DDX43: variants seen among roughly 807,000 people sequenced by gnomAD.
DDX43 encodes DEAD-box helicase 43, also known as probable ATP-dependent RNA helicase DDX43.
DDX43 carries 50 observed loss-of-function variants against 84.9 expected under a neutral mutation model. The ratio of observed to expected loss-of-function variants is 0.59; its 90% CI spans 0.47 to 0.75. DDX43 has a LOEUF of 0.75. Among genes scored for constraint, DDX43 ranks in the 30% least tolerant of loss-of-function variants. The pLI is 0.00. For missense variants in DDX43, 689 were observed against 798.6 expected (o/e 0.86, Z 1.65); for synonymous variants, 291 against 266.3 (o/e 1.09, Z -0.90).
chr6:73,416,764 C>G (rs571428450), intron 16 of DDX43, among the ~76,000 whole-genome samples: 79 of 152,330 alleles, frequency 5.2e-4, no homozygotes, highest in African/African-American at 1.7e-3. Context: ...AGGCCATACA[C>G]AGTGGCTCAC....
At position 73,400,256 on chromosome 6, in the gene DDX43, CAT is replaced by C; in HGVS notation, c.330_331del (p.Leu111SerfsTer22). On this transcript the variant is annotated frameshift_variant, in exon 3 of 17. Transcript: ENST00000370336. LOFTEE classifies it high-confidence loss of function. ...TAGATAATACAAGAACAACCAGAATCATTAGTCAAAATTTTTGGCAGCAAGGC... is the reference window on the plus strand; with the variant it reads ...TAGATAATACAAGAACAACCAGAATCTAGTCAAAATTTTTGGCAGCAAGGC... 1 of 1,605,130 alleles carries C rather than the reference CAT, an allele frequency of 6.2e-7. No homozygotes were observed.
At chr6:73,395,474 C>T (rs542833286) in intron 1 of DDX43, among the ~76,000 whole-genome samples, 4 of 151,922 alleles carry the variant, frequency 2.6e-5, no homozygotes, top group Admixed American at 6.6e-5. Context: ...AATAGCTGGG[C>T]GTGGTGGCGC....
At chr6:73,411,351 CAG>C (rs1325375926) in intron 10 of DDX43, among the ~76,000 whole-genome samples, 3 of 142,250 alleles carry the variant, frequency 2.1e-5, no homozygotes, top group African/African-American at 5.2e-5. Flanking sequence ...TTTTTTGAGA[CAG>C]AGTCTCACTC....
chr6:73,409,492 A>G, intron 10 of DDX43, 144 bp downstream of exon 10: 1 of 685,910 alleles, frequency 1.5e-6, no homozygotes, highest in South Asian at 1.8e-5. Context: ...TGGAAGTAGA[A>G]CAGTGTAACA....
At chr6:73,415,991 C>T (rs922978657) in intron 15 of DDX43, 122 bp from the exon 16 acceptor site, 8 of 635,122 alleles carry the variant, frequency 1.3e-5, no homozygotes, top group Non-Finnish European at 2.3e-5. Flanking sequence ...AATCGAGATA[C>T]CTGTTTCTGT....
At chr6:73,404,217 C>T (rs955268645) in intron 4 of DDX43, among the ~76,000 whole-genome samples, 11 of 151,962 alleles carry the variant, frequency 7.2e-5, no homozygotes, top group South Asian at 2.1e-4. Flanking sequence ...TCTTGAGTAG[C>T]GGGGATTACA....
chr6:73,413,433 ATAGT>A (rs1299972643), intron 11 of DDX43: 1 of 325,278 alleles, frequency 3.1e-6, no homozygotes, highest in Non-Finnish European at 5.6e-6. Flanking sequence ...TTAGAGACAA[ATAGT>A]TGGTTGAAGG....
intron 2 of DDX43, 117 bp from the exon 3 acceptor site, chr6:73,400,117 T>A: frequency 1.3e-6 from 1 of 796,642 alleles, no homozygotes; most frequent in East Asian, 2.8e-5. Flanking sequence ...TGTATTTACT[T>A]TATACTGTAA....
At chr6:73,412,695 G>C (rs1347165206) in intron 11 of DDX43, among the ~76,000 whole-genome samples, 1 of 140,468 alleles carries the variant, frequency 7.1e-6, no homozygotes, top group African/African-American at 2.7e-5. Context: ...GTGTGTGCGC[G>C]TGCGTGCGCA....
At chr6:73,396,676 C>T (rs534150977) in intron 1 of DDX43, among the ~76,000 whole-genome samples, 1 of 152,284 alleles carries the variant, frequency 6.6e-6, no homozygotes, top group East Asian at 1.9e-4. Flanking sequence ...TGTTGTATCC[C>T]AGATCTCTGG....
chr6:73,416,376 A>G, intron 16 of DDX43, 125 bp downstream of exon 16: 1 of 541,966 alleles, frequency 1.8e-6, no homozygotes, highest in South Asian at 2.4e-5. Flanking sequence ...TGTTACTCAT[A>G]TCTATTACTT....
At chr6:73,397,939 G>T in intron 2 of DDX43, 195 bp downstream of exon 2, 1 of 419,090 alleles carries the variant, frequency 2.4e-6, no homozygotes, top group Non-Finnish European at 4.2e-6. Context: ...CTGGAATTAC[G>T]GGTTCCCACC....
Position 73,394,987 on chromosome 6 carries a change from G to A in DDX43, c.82G>A (p.Glu28Lys). The part of the protein sequence containing the change: ...RRSSTVSRAP[E>K]RRPAEELNRT... ...AAGCTCGACAGTGTCCCGAGCGCCA[G>A]AGAGGAGGCCGGCGGAGGAGTTGAA... Residue 28 changes from glutamate (E) to lysine (K), a missense_variant, in exon 1 of 17, where the codon GAG becomes AAG. By Grantham distance (56) the Glu-to-Lys change is moderately conservative. This residue lies in a region of DDX43 where 137 missense variants were observed against 105.9 expected (regional missense o/e 1.29). Transcript: ENST00000370336. 1.2e-6 allele frequency: 2 copies of A among 1,614,278 alleles called. No homozygotes were observed. The highest frequency in any genetic ancestry group is 1.7e-6 in the Non-Finnish European group (2 of 1,180,050).
intron 1 of DDX43, among the ~76,000 whole-genome samples, chr6:73,397,327 C>T (rs1769491778): frequency 6.6e-6 from 1 of 152,200 alleles, no homozygotes; most frequent in African/African-American, 2.4e-5. Flanking sequence ...TGCCTGTTGG[C>T]CATTTGTATG....
chr6:73,407,577 A>C lies in DDX43; in HGVS notation c.999A>C (p.Glu333Asp). Residue 333 changes from glutamate (E) to aspartate (D), a missense_variant, in exon 8 of 17, where the codon GAA becomes GAC. By Grantham distance (45) the Glu-to-Asp change is conservative (BLOSUM62 2). Transcript: ENST00000370336. ...TPTRELALQV[E>D]GECCKYSYKG... The stretch of plus-strand genomic sequence containing the variant: ...CTCGGGAATTAGCACTTCAAGTAGA[A>C]GGAGAATGTTGCAAATATTCATATA... 1 of 1,613,960 alleles carries C rather than the reference A, an allele frequency of 6.2e-7. No homozygotes were observed. Among genetic ancestry groups the C allele is most frequent in the South Asian group, 1.1e-5 (1 of 91,076 alleles).
Position 73,416,264 on chromosome 6 carries a change from TA to T in DDX43, c.*25+15del. 1 of 1,057,570 alleles carries T rather than the reference TA, an allele frequency of 9.5e-7. No homozygotes were observed. The highest frequency in any genetic ancestry group is 1.5e-6 in the Non-Finnish European group (1 of 683,472). 65.5% of individuals were successfully genotyped at this position (1,057,570 alleles called of 1,614,324 possible). ...TAGTGGGGTAGAGGTAAAAGTTCAA[TA>T]ACATATGGACTTTAAAATGCCTGCT... is the stretch of plus-strand genomic sequence containing the variant. On this transcript the variant is annotated intron_variant, in intron 16 of 16. Coordinates refer to ENST00000370336, the MANE Select transcript of DDX43 (RefSeq NM_018665.3).
chr6:73,412,378 C>T lies in DDX43; in HGVS notation c.1368+86C>T, dbSNP rs561972902. 4.2e-5 allele frequency: 44 copies of T among 1,042,538 alleles called. No individual in the cohort carries two copies. The African/African-American group carries it at 6.0e-4, about 14-fold the overall frequency. 64.6% of individuals were successfully genotyped at this position (1,042,538 alleles called of 1,614,324 possible). ...TTTTGGTGTGCCTAGTCTGCCCACT[C>T]CCCAATTTTAGGGCAAATCACACTT... On this transcript the variant is annotated intron_variant, in intron 11 of 16. Coordinates refer to ENST00000370336, the MANE Select transcript of DDX43 (RefSeq NM_018665.3).
At position 73,404,715 on chromosome 6, in the gene DDX43, T is replaced by C. The variant is rs778734321; in HGVS notation, c.594T>C (p.Phe198=). 3.7e-6 allele frequency: 6 copies of C among 1,612,410 alleles called. No individual in the cohort carries two copies. Among genetic ancestry groups the C allele is most frequent in the South Asian group, 1.1e-5 (1 of 90,408 alleles). ...ATTTACCACCAATTAAGAAAAACTT[T>C]TATAAAGAGTCCACTGCCACAAGTG... is the stretch of plus-strand genomic sequence containing the variant. ...WADLPPIKKN[F]YKESTATSAM... The change falls in exon 5 of 17, where the codon TTT becomes TTC. Residue 198 remains phenylalanine (F), a synonymous_variant. Coordinates refer to ENST00000370336, the MANE Select transcript of DDX43 (RefSeq NM_018665.3).
intron 11 of DDX43, among the ~76,000 whole-genome samples, chr6:73,412,703 G>A (rs1305988997): frequency 3.9e-5 from 5 of 129,054 alleles, no homozygotes; most frequent in Non-Finnish European, 8.3e-5. Context: ...GCGTGCGTGC[G>A]CACGCATGTG....
Sources: gnomAD v4.1 joint callset for allele counts (sites outside exome capture counted in the v4.1 genomes callset) on GRCh38, gnomAD v4.1.1 for gene constraint, gnomAD v4.1.1 regional missense constraint, MANE v1.5 for transcripts, NCBI Gene and HGNC (gene_info 2026-07-23, HGNC 2026-07-21) for gene names.